Variants in DRC11 observed in about 807,000 individuals in gnomAD.
The protein encoded by DRC11 is IQ and AAA domain-containing protein 1.
At chr2:236,407,687 C>T in the DRC11 span, among the ~76,000 whole-genome samples, 1 of 152,128 alleles carries the variant, frequency 6.6e-6, no homozygotes, top group African/African-American at 2.4e-5. Flanking sequence ...GCCTTCTCCT[C>T]ACCTCTGCTG....
At chr2:236,441,770 C>G in the DRC11 span, among the ~76,000 whole-genome samples, 11 of 152,122 alleles carry the variant, frequency 7.2e-5, no homozygotes, top group Non-Finnish European at 1.5e-4. Flanking sequence ...TCCATTAATT[C>G]ACAGAAGTAC....
At chr2:236,449,253 C>A in the DRC11 span, among the ~76,000 whole-genome samples, 3 of 152,146 alleles carry the variant, frequency 2.0e-5, no homozygotes, top group Admixed American at 1.3e-4. The surrounding 1 kb of genome is among the most constrained non-coding windows in gnomAD (Gnocchi z 5.1). Context: ...TCATTCTGAG[C>A]GAGAGAACTG....
At chr2:236,377,150 T>C in the DRC11 span, 34 of 1,613,084 alleles carry the variant, frequency 2.1e-5, no homozygotes, top group Non-Finnish European at 2.8e-5. The surrounding 1 kb of genome is among the most constrained non-coding windows in gnomAD (Gnocchi z 4.9). Context: ...CAGTAATCCT[T>C]CTTCCACCAG....
the DRC11 span, among the ~76,000 whole-genome samples, chr2:236,476,472 T>G: frequency 1.3e-5 from 2 of 152,226 alleles, no homozygotes; most frequent in Non-Finnish European, 2.9e-5. This position sits in a 1 kb window ranked among gnomAD's most constrained non-coding sequence, Gnocchi z 4.7. Context: ...ATGGAATCTT[T>G]AGGTTTTCCT....
the DRC11 span, among the ~76,000 whole-genome samples, chr2:236,423,674 T>C: frequency 4.6e-3 from 697 of 152,236 alleles, 6 homozygotes; most frequent in African/African-American, 0.015. Flanking sequence ...CTAGAAATAC[T>C]ATTTGACCCA....
the DRC11 span, among the ~76,000 whole-genome samples, chr2:236,424,661 T>C: frequency 2.0e-5 from 3 of 150,352 alleles, no homozygotes; most frequent in Non-Finnish European, 4.4e-5. Flanking sequence ...TTGTGTGTGA[T>C]GAGAACATTT....
At chr2:236,402,709 C>T in the DRC11 span, among the ~76,000 whole-genome samples, 1 of 152,186 alleles carries the variant, frequency 6.6e-6, no homozygotes, top group Non-Finnish European at 1.5e-5. The surrounding 1 kb of genome is among the most constrained non-coding windows in gnomAD (Gnocchi z 6.0). Context: ...TAAATCAAAG[C>T]TCTCTGGTAA....
the DRC11 span, among the ~76,000 whole-genome samples, chr2:236,405,963 A>G: frequency 3.9e-5 from 6 of 152,222 alleles, no homozygotes; most frequent in African/African-American, 1.4e-4. This position sits in a 1 kb window ranked among gnomAD's most constrained non-coding sequence, Gnocchi z 4.6. Flanking sequence ...GACCGTGGGT[A>G]ACTGGAACTG....
At chr2:236,405,938 T>C in the DRC11 span, among the ~76,000 whole-genome samples, 1 of 152,170 alleles carries the variant, frequency 6.6e-6, no homozygotes. This position sits in a 1 kb window ranked among gnomAD's most constrained non-coding sequence, Gnocchi z 4.6. Context: ...CATTTAATAC[T>C]TATGGGTCAC....
chr2:236,336,462 ACCACCACTG>A, the DRC11 span, among the ~76,000 whole-genome samples: 1 of 150,526 alleles, frequency 6.6e-6, no homozygotes, highest in South Asian at 2.1e-4. This position sits in a 1 kb window ranked among gnomAD's most constrained non-coding sequence, Gnocchi z 7.3. Context: ...CACCACGGCC[ACCACCACTG>A]CCACCACGGC....
At chr2:236,357,374 T>TAGTA in the DRC11 span, among the ~76,000 whole-genome samples, 1 of 108,358 alleles carries the variant, frequency 9.2e-6, no homozygotes, top group Non-Finnish European at 1.7e-5. Flanking sequence ...ATAAATATAT[T>TAGTA]TATATAGTAT....
chr2:236,416,721 T>TTATATATA, the DRC11 span, among the ~76,000 whole-genome samples: 30 of 64,226 alleles, frequency 4.7e-4, 1 homozygote, highest in Non-Finnish European at 6.7e-4. Context: ...ATATATATAT[T>TTATATATA]TATATATATA....
the DRC11 span, among the ~76,000 whole-genome samples, chr2:236,370,650 T>C: frequency 6.6e-6 from 1 of 152,074 alleles, no homozygotes; most frequent in Non-Finnish European, 1.5e-5. This position sits in a 1 kb window ranked among gnomAD's most constrained non-coding sequence, Gnocchi z 5.5. Context: ...ACCTTGGTAG[T>C]ATAGGGGTTG....
At chr2:236,384,363 G>A in the DRC11 span, among the ~76,000 whole-genome samples, 7 of 152,052 alleles carry the variant, frequency 4.6e-5, no homozygotes, top group East Asian at 5.8e-4. Flanking sequence ...CATTCTAACT[G>A]GTGTGAGATG....
the DRC11 span, among the ~76,000 whole-genome samples, chr2:236,428,889 T>C: frequency 0.015 from 2,244 of 152,354 alleles, 62 homozygotes; most frequent in African/African-American, 0.051. Flanking sequence ...TTCTTTAGAA[T>C]ACTTATTTTG....
chr2:236,391,746 C>CA, the DRC11 span, among the ~76,000 whole-genome samples: 175 of 152,230 alleles, frequency 1.1e-3, no homozygotes, highest in African/African-American at 3.9e-3. This position sits in a 1 kb window ranked among gnomAD's most constrained non-coding sequence, Gnocchi z 4.5. Context: ...TGCAACTGAC[C>CA]GGGGCTGGGG....
chr2:236,430,029 T>C, the DRC11 span, among the ~76,000 whole-genome samples: 2 of 152,198 alleles, frequency 1.3e-5, no homozygotes, highest in Admixed American at 6.5e-5. The surrounding 1 kb of genome is among the most constrained non-coding windows in gnomAD (Gnocchi z 6.0). Context: ...AGCAGGGCTG[T>C]TGAGTTCCTC....
the DRC11 span, among the ~76,000 whole-genome samples, chr2:236,345,912 ACT>A: frequency 5.3e-5 from 8 of 152,270 alleles, no homozygotes; most frequent in Non-Finnish European, 1.0e-4. Flanking sequence ...CGCTAGGGAC[ACT>A]CTACTGTGTC....
chr2:236,331,713 C>G, the DRC11 span: 3 of 738,674 alleles, frequency 4.1e-6, no homozygotes, highest in South Asian at 3.6e-5. The surrounding 1 kb of genome is among the most constrained non-coding windows in gnomAD (Gnocchi z 4.8). Context: ...GAAGTCTACT[C>G]TAGCTTATTT....
Sources: allele counts gnomAD v4.1 joint callset (sites outside exome capture counted in the v4.1 genomes callset), GRCh38; gene constraint gnomAD v4.1.1; non-coding constraint Gnocchi (gnomAD v3.1); transcripts MANE v1.5; gene names NCBI Gene and HGNC (gene_info 2026-07-23, HGNC 2026-07-21).